AGBL2: variants seen among roughly 807,000 people sequenced by gnomAD.
The protein encoded by AGBL2 is AGBL carboxypeptidase 2.
A neutral mutation model predicts 103.0 loss-of-function variants in AGBL2; 87 were observed. The observed-to-expected ratio is 0.84, with a 90% CI of 0.71 to 1.01. The LOEUF is 1.01. Among genes scored for constraint, AGBL2 ranks in the 50% least tolerant of loss-of-function variants. AGBL2 has a pLI of 0.00. For missense variants in AGBL2, 904 were observed against 1,023.5 expected (o/e 0.88, Z 1.59); for synonymous variants, 335 against 356.7 (o/e 0.94, Z 0.69).
At chr11:47,663,798 C>T (rs976136279) in intron 17 of AGBL2, among the ~76,000 whole-genome samples, 21 of 151,834 alleles carry the variant, frequency 1.4e-4, no homozygotes, top group African/African-American at 4.6e-4. Flanking sequence ...TCAGGTGATC[C>T]GCCCGCCTCG....
In AGBL2 at chr11:47,690,618, G is replaced by A; in HGVS notation, c.1089C>T (p.Tyr363=). The A allele has an allele frequency of 3.7e-6, 6 of 1,614,158 alleles. No individual in the cohort carries two copies. In the East Asian group the frequency reaches 1.3e-4, roughly 36 times the overall value. The change falls in exon 10 of 19, where the codon TAC becomes TAT. Residue 363 remains tyrosine, a synonymous_variant. Transcript: ENST00000525123. ...WRREGNEIKY[Y]KNNTDDGQQP... ...GCTGCCCATCATCCGTGTTGTTCTTGTAGTACTTGATTTCATTTCCTTCTC... is the reference window on the plus strand; with the variant it reads ...GCTGCCCATCATCCGTGTTGTTCTTATAGTACTTGATTTCATTTCCTTCTC...
In AGBL2 at chr11:47,680,128, G is replaced by C. The variant is rs1369247672; in HGVS notation, c.1916-55C>G. 1.9e-5 allele frequency: 21 copies of C among 1,112,398 alleles called. No homozygotes were observed. In the East Asian group the frequency reaches 5.3e-4, roughly 28 times the overall value. 68.9% of individuals were successfully genotyped at this position (1,112,398 alleles called of 1,614,324 possible). A position where few individuals can be genotyped will look rare whatever the true frequency, so the allele number is the denominator to read the frequency against. ...TCCAATTAAATCTTAGTGACTGAATGTAAATCTAATTTATGATTATCTTTT... is the reference window on the plus strand; with the variant it reads ...TCCAATTAAATCTTAGTGACTGAATCTAAATCTAATTTATGATTATCTTTT... On this transcript the variant is annotated intron_variant, in intron 12 of 18. Transcript: ENST00000525123.
chr11:47,702,684 A>G (rs1233527540), intron 7 of AGBL2, among the ~76,000 whole-genome samples: 3 of 151,822 alleles, frequency 2.0e-5, no homozygotes, highest in African/African-American at 7.3e-5. Flanking sequence ...GACCAGCCTG[A>G]CCAAGATGGT....
Position 47,677,304 on chromosome 11 carries a change from C to T in AGBL2, c.2114G>A (p.Trp705Ter). ...LGQDVDLEGS[W>*]SDISLSDIES... is the part of the protein sequence containing the mutation. The stretch of plus-strand genomic sequence containing the variant: ...AATGTCAGACAAAGAGATGTCACTC[C>T]AACTTCCTTCTAAATCTACATCTTG... Residue 705 changes from tryptophan (W) to a stop codon, truncating the protein, a stop_gained, in exon 14 of 19, where the codon TGG (tryptophan) becomes TAG (stop). Coordinates refer to ENST00000525123, the MANE Select transcript of AGBL2 (RefSeq NM_024783.4). LOFTEE classifies it high-confidence loss of function. 1 of 1,603,416 alleles carries T rather than the reference C, an allele frequency of 6.2e-7. No individual in the cohort carries two copies. Among genetic ancestry groups the T allele is most frequent in the East Asian group, 2.2e-5 (1 of 44,672 alleles).
chr11:47,685,974 A>T lies in AGBL2; in HGVS notation c.1707T>A (p.Tyr569Ter). The T allele has an allele frequency of 6.2e-7, 1 of 1,613,996 alleles. No individual in the cohort carries two copies. Among genetic ancestry groups the T allele is most frequent in the African/African-American group, 1.3e-5 (1 of 75,042 alleles). The change falls in exon 11 of 19, where the codon TAT (tyrosine) becomes TAA (stop). Residue 569 changes from tyrosine (Y) to a stop codon, truncating the protein, a stop_gained. Coordinates refer to ENST00000525123, the MANE Select transcript of AGBL2 (RefSeq NM_024783.4). LOFTEE classifies it high-confidence loss of function. ...GHSRKNNIFL[Y>*]GCNNNNRKYW... ...ATTTGCGATTGTTGTTATTACAGCC[A>T]TACAGGAAGATATTATTCTTACGAC...
chr11:47,675,099 C>G (rs1295877180), intron 14 of AGBL2, among the ~76,000 whole-genome samples: 1 of 151,780 alleles, frequency 6.6e-6, no homozygotes, highest in Non-Finnish European at 1.5e-5. Context: ...TCTCAGTCGC[C>G]TTTGCTGGCT....
chr11:47,686,158 A>T (rs565878838), intron 10 of AGBL2, 109 bp from the exon 11 acceptor site: 2 of 1,168,876 alleles, frequency 1.7e-6, no homozygotes, highest in Non-Finnish European at 2.4e-6. Context: ...TTTCCCTCCT[A>T]AGAAAATCTC....
chr11:47,668,701 T>G, intron 15 of AGBL2, 140 bp downstream of exon 15: 1 of 602,702 alleles, frequency 1.7e-6, no homozygotes, highest in Middle Eastern at 3.0e-4. Context: ...CAAGAGACTT[T>G]AGGGCAAGGT....
chr11:47,677,973 AT>A (rs1159682462), intron 13 of AGBL2, among the ~76,000 whole-genome samples: 2 of 149,046 alleles, frequency 1.3e-5, no homozygotes, highest in Admixed American at 6.7e-5. Flanking sequence ...CTTCTTTTTT[AT>A]TTTTTTTTGA....
intron 8 of AGBL2, among the ~76,000 whole-genome samples, chr11:47,695,829 G>A (rs2097467386): frequency 6.6e-6 from 1 of 151,154 alleles, no homozygotes; most frequent in Non-Finnish European, 1.5e-5. Flanking sequence ...TTCAGAGTTG[G>A]TGAAATATTG....
chr11:47,714,334 G>A lies in AGBL2; in HGVS notation c.47C>T (p.Pro16Leu). The change falls in exon 3 of 19, where the codon CCT (proline) becomes CTT (leucine). Residue 16 changes from proline to leucine, a missense_variant. Coordinates refer to ENST00000525123, the MANE Select transcript of AGBL2 (RefSeq NM_024783.4). Reference sequence around the variant, plus strand: ...GTGACGGTACATAAAGTCTTCATAAGGATCAGGAATAGTCTGTGAAAGGAA... The same window carrying A: ...GTGACGGTACATAAAGTCTTCATAAAGATCAGGAATAGTCTGTGAAAGGAA... Reference protein sequence around the residue: ...ETHLKQTIPDPYEDFMYRHLQ... With the variant: ...ETHLKQTIPDLYEDFMYRHLQ... The A allele has an allele frequency of 1.2e-6, 2 of 1,612,434 alleles. No individual in the cohort carries two copies. Among genetic ancestry groups the A allele is most frequent in the Non-Finnish European group, 1.7e-6 (2 of 1,179,310 alleles).
intron 15 of AGBL2, 118 bp from the exon 16 acceptor site, chr11:47,667,814 G>T (rs2097345434): frequency 2.6e-6 from 3 of 1,164,990 alleles, no homozygotes; most frequent in Non-Finnish European, 3.6e-6. Context: ...CAGATTTGTG[G>T]TGTTGGTTTG....
intron 9 of AGBL2, 55 bp from the exon 10 acceptor site, chr11:47,690,913 A>C: frequency 1.4e-6 from 2 of 1,403,278 alleles, no homozygotes; most frequent in Non-Finnish European, 9.6e-7. Context: ...CTTAAAAAAC[A>C]AATTGGGAAA....
chr11:47,660,367 A>T, intron 18 of AGBL2, 21 bp from the exon 19 acceptor site: 1 of 1,586,612 alleles, frequency 6.3e-7, no homozygotes, highest in Non-Finnish European at 8.6e-7. Flanking sequence ...AAGATTTTAA[A>T]AAGTTGAATT....
intron 12 of AGBL2, 35 bp downstream of exon 12, chr11:47,681,934 C>T: frequency 6.3e-7 from 1 of 1,593,822 alleles, no homozygotes. Context: ...ATTTCCCTTC[C>T]TATGCTGGCC....
intron 8 of AGBL2, 50 bp from the exon 9 acceptor site, chr11:47,692,306 T>C: frequency 6.5e-7 from 1 of 1,545,138 alleles, no homozygotes; most frequent in Non-Finnish European, 8.9e-7. Context: ...AATCCACTCA[T>C]TCAGCAAATA....
intron 10 of AGBL2, among the ~76,000 whole-genome samples, chr11:47,687,548 C>T (rs1202129481): frequency 7.3e-5 from 11 of 151,332 alleles, no homozygotes; most frequent in Non-Finnish European, 1.2e-4. Flanking sequence ...AAATGAACTC[C>T]GTCTCAAAAA....
chr11:47,661,474 T>G (rs950488450), intron 18 of AGBL2, among the ~76,000 whole-genome samples: 3 of 152,168 alleles, frequency 2.0e-5, no homozygotes, highest in African/African-American at 7.2e-5. Flanking sequence ...GTCTTGTCAC[T>G]CCTAGAGGAT....
intron 10 of AGBL2, among the ~76,000 whole-genome samples, chr11:47,687,886 C>G (rs1406527561): frequency 6.7e-6 from 1 of 149,812 alleles, no homozygotes; most frequent in East Asian, 2.0e-4. Context: ...CGGCTCACTG[C>G]AACCTCTGCC....
Sources: gnomAD v4.1 joint callset for allele counts (sites outside exome capture counted in the v4.1 genomes callset) on GRCh38, gnomAD v4.1.1 for gene constraint, MANE v1.5 for transcripts, NCBI Gene and HGNC (gene_info 2026-07-23, HGNC 2026-07-21) for gene names.